The following DGKG variants were observed in gnomAD, a reference collection of about 807,000 sequenced individuals.
DGKG encodes diacylglycerol kinase gamma, also known as DAG kinase gamma.
Under a neutral mutation model 105.3 loss-of-function variants are expected in DGKG, and 78 were observed. The ratio of observed to expected loss-of-function variants is 0.74; its 90% CI spans 0.62 to 0.89. DGKG has a LOEUF of 0.89. Among genes scored for constraint, DGKG ranks in the 40% least tolerant of loss-of-function variants. The pLI, the probability that DGKG is intolerant of heterozygous loss-of-function variation, is 0.00. For missense variants in DGKG, 958 were observed against 1,020.1 expected, an observed-to-expected ratio of 0.94 and a Z score of 0.83; for synonymous variants, 346 against 367.1, an observed-to-expected ratio of 0.94 and a Z score of 0.66.
chr3:186,187,704 T>C (rs2108500265), intron 22 of DGKG, among the ~76,000 whole-genome samples: 1 of 152,000 alleles, frequency 6.6e-6, no homozygotes, highest in East Asian at 1.9e-4. Flanking sequence ...GAGAAGAGGG[T>C]CAAGGACCCT....
intron 20 of DGKG, among the ~76,000 whole-genome samples, chr3:186,214,371 T>C (rs1298093742): frequency 6.6e-6 from 1 of 152,234 alleles, no homozygotes; most frequent in Non-Finnish European, 1.5e-5. Flanking sequence ...TCACATAGGA[T>C]TGCTGTATAG....
At chr3:186,167,129 G>A (rs1024810440) in intron 22 of DGKG, among the ~76,000 whole-genome samples, 3 of 152,132 alleles carry the variant, frequency 2.0e-5, no homozygotes, top group African/African-American at 7.2e-5. Flanking sequence ...TCAGCATGGT[G>A]GGTGGGTGGG....
At chr3:186,340,152 T>A (rs1377306042) in intron 1 of DGKG, among the ~76,000 whole-genome samples, 3 of 152,130 alleles carry the variant, frequency 2.0e-5, no homozygotes, top group Non-Finnish European at 4.4e-5. Flanking sequence ...AATTTAGAGA[T>A]GAAAAATCTT....
chr3:186,153,109 G>A (rs1228397579), intron 24 of DGKG, among the ~76,000 whole-genome samples: 2 of 152,054 alleles, frequency 1.3e-5, no homozygotes, highest in African/African-American at 2.4e-5. Flanking sequence ...GTTTTTCAGC[G>A]GTTCTGACAA....
intron 9 of DGKG, among the ~76,000 whole-genome samples, chr3:186,278,277 T>A (rs1722675698): frequency 6.6e-6 from 1 of 152,172 alleles, no homozygotes; most frequent in Non-Finnish European, 1.5e-5. Context: ...AAAAATGGTG[T>A]TTTGGAACAG....
At chr3:186,153,551 T>G (rs1715875893) in intron 24 of DGKG, among the ~76,000 whole-genome samples, 1 of 152,336 alleles carries the variant, frequency 6.6e-6, no homozygotes, top group Middle Eastern at 3.4e-3. Flanking sequence ...GACTCTTGCA[T>G]GATAGTTCGA....
chr3:186,209,096 T>C (rs914805954), intron 21 of DGKG, among the ~76,000 whole-genome samples: 2 of 140,210 alleles, frequency 1.4e-5, no homozygotes, highest in African/African-American at 5.4e-5. Context: ...TACTCTTCTT[T>C]TTTTTTTTTT....
chr3:186,227,599 A>T (rs1719917695), intron 20 of DGKG, among the ~76,000 whole-genome samples: 4 of 152,136 alleles, frequency 2.6e-5, no homozygotes, highest in Admixed American at 2.6e-4. Flanking sequence ...CACAGAAGAG[A>T]GTTACTGCGT....
chr3:186,294,827 A>T (rs1444665378), intron 5 of DGKG, among the ~76,000 whole-genome samples: 1 of 152,118 alleles, frequency 6.6e-6, no homozygotes, highest in African/African-American at 2.4e-5. Context: ...AGCATGGCTG[A>T]GTGGCGTGCT....
At chr3:186,285,248 C>T (rs543179418) in intron 6 of DGKG, among the ~76,000 whole-genome samples, 23 of 152,302 alleles carry the variant, frequency 1.5e-4, no homozygotes, top group African/African-American at 5.3e-4. Context: ...TAGGCCAAAT[C>T]AACTGGGCTT....
chr3:186,269,064 G>T, intron 11 of DGKG, 147 bp from the exon 12 acceptor site: 1 of 627,788 alleles, frequency 1.6e-6, no homozygotes, highest in Non-Finnish European at 2.8e-6. Flanking sequence ...ATGTTGGGTG[G>T]CTTGCCTAAT....
rs9856873 is a variant in DGKG at position 186,157,995 on chromosome 3, G to A, written c.2277+3608C>T. 5.0e-3 allele frequency: 1,005 copies of A among 199,030 alleles called. 7 individuals are homozygous for A. Among genetic ancestry groups the A allele is most frequent in the African/African-American group, 0.022 (937 of 42,302 alleles). The allele number at this position is 199,030 out of a possible 1,614,324, so 12.3% of individuals were successfully genotyped here. ...TGGGATTATAAGCATGAGCCACCAC[G>A]CCCGGCCTTGTTTTATATTTAAATA... On this transcript the variant is annotated intron_variant, in intron 24 of 24. Coordinates refer to ENST00000265022, the MANE Select transcript of DGKG (RefSeq NM_001346.3).
chr3:186,253,222 G>T, intron 17 of DGKG, 40 bp from the exon 18 acceptor site: 1 of 1,515,936 alleles, frequency 6.6e-7, no homozygotes, highest in Non-Finnish European at 9.2e-7. Context: ...ATATGCCATG[G>T]GACTGTAGAA....
chr3:186,277,698 G>T (rs1578766323), intron 9 of DGKG, among the ~76,000 whole-genome samples: 2 of 152,148 alleles, frequency 1.3e-5, no homozygotes, highest in Admixed American at 1.3e-4. Flanking sequence ...GTTTCTGCTT[G>T]GGTTATAGCA....
chr3:186,211,693 G>C, intron 21 of DGKG, 102 bp downstream of exon 21: 1 of 840,766 alleles, frequency 1.2e-6, no homozygotes, highest in Non-Finnish European at 2.0e-6. Context: ...ACTACGCTCT[G>C]GGTCACCTCT....
intron 19 of DGKG, among the ~76,000 whole-genome samples, chr3:186,246,722 A>T (rs1030699940): frequency 2.6e-5 from 4 of 152,158 alleles, no homozygotes; most frequent in African/African-American, 9.7e-5. Context: ...CTGCAGGAAA[A>T]ATTATGTCTT....
At chr3:186,154,161 A>G (rs1031808702) in intron 24 of DGKG, among the ~76,000 whole-genome samples, 11 of 152,186 alleles carry the variant, frequency 7.2e-5, no homozygotes, top group Admixed American at 5.2e-4. Flanking sequence ...CTGGAGATGC[A>G]TAGAAAGGCA....
intron 21 of DGKG, among the ~76,000 whole-genome samples, chr3:186,209,593 G>T (rs770708320): frequency 1.3e-5 from 2 of 152,080 alleles, no homozygotes; most frequent in East Asian, 3.9e-4. Flanking sequence ...CTGGTGGGTC[G>T]TGTGCTGGTT....
rs1012269374 is a variant in DGKG, at chr3:186,158,774, GT to G, written c.2277+2828del. ...CCTTTTCTCAGAATATGTATTGATA[GT>G]TTTTTATATATTTTGATTCTGTTAT... On this transcript the variant is annotated intron_variant, in intron 24 of 24. Transcript: ENST00000265022. 5 of 935,470 alleles carry G rather than the reference GT, an allele frequency of 5.3e-6. No individual in the cohort carries two copies. In the African/African-American group the frequency reaches 8.9e-5, roughly 17 times the overall value. 57.9% of individuals were successfully genotyped at this position (935,470 alleles called of 1,614,324 possible).
Sources: gnomAD v4.1 joint callset for allele counts (sites outside exome capture counted in the v4.1 genomes callset) on GRCh38, gnomAD v4.1.1 for gene constraint, MANE v1.5 for transcripts, NCBI Gene and HGNC (gene_info 2026-07-23, HGNC 2026-07-21) for gene names.